Variants in CLCNKA observed in about 807,000 individuals in gnomAD.
The protein encoded by CLCNKA is chloride voltage-gated channel Ka.
A neutral mutation model predicts 83.3 loss-of-function variants in CLCNKA; 66 were observed. The ratio of observed to expected loss-of-function variants is 0.79; its 90% CI spans 0.65 to 0.97. The LOEUF (loss-of-function observed/expected upper bound fraction) is 0.97, where lower values mean the gene tolerates loss of function less well. Ranked by LOEUF, CLCNKA falls within the 50% of genes least tolerant of loss-of-function variation. CLCNKA has a pLI of 0.00. For synonymous variants in CLCNKA, 357 were observed against 370.4 expected, an observed-to-expected ratio of 0.96 and a Z score of 0.42; for missense variants, 806 against 888.7, an observed-to-expected ratio of 0.91 and a Z score of 1.18.
At chr1:16,027,177 CT>C in intron 7 of CLCNKA, 132 bp from the exon 8 acceptor site, 2 of 1,367,600 alleles carry the variant, frequency 1.5e-6, no homozygotes, top group South Asian at 2.4e-5. Flanking sequence ...CTGCCCTCCC[CT>C]TCTGTCTGTC....
intron 3 of CLCNKA, 107 bp downstream of exon 3, chr1:16,024,035 C>A (rs942696824): frequency 2.0e-5 from 27 of 1,383,064 alleles, no homozygotes; most frequent in Non-Finnish European, 2.4e-5. Context: ...GACCTGGGTG[C>A]GGGGAGGGCT....
chr1:16,033,467 C>T (rs1428569024), intron 19 of CLCNKA, 144 bp from the exon 20 acceptor site: 3 of 918,278 alleles, frequency 3.3e-6, no homozygotes, highest in Middle Eastern at 2.6e-4. Flanking sequence ...CCTTCTCGGC[C>T]TCAGTGATCC....
intron 4 of CLCNKA, among the ~76,000 whole-genome samples, chr1:16,025,135 A>G (rs551595489): frequency 5.9e-5 from 9 of 152,212 alleles, no homozygotes; most frequent in Non-Finnish European, 1.0e-4. Context: ...GGTGCCAGGA[A>G]GGGGCCCATG....
intron 5 of CLCNKA, 144 bp downstream of exon 5, chr1:16,026,391 G>A: frequency 6.8e-7 from 1 of 1,462,794 alleles, no homozygotes; most frequent in South Asian, 1.2e-5. Flanking sequence ...GAAGAGCCAG[G>A]CCAGGTCCCC....
In CLCNKA at chr1:16,024,759, C is replaced by G; in HGVS notation, c.230-4C>G. ...GTGCCTCCCTGATACGCGGCTGTCC[C>G]CAGCACACCAGTGGCTGTACAGGGA... is the stretch of plus-strand genomic sequence containing the variant. On this transcript the variant is annotated splice_region_variant and splice_polypyrimidine_tract_variant and intron_variant, in intron 3 of 19. Transcript: ENST00000331433. 1 of 1,613,966 alleles carries G rather than the reference C, an allele frequency of 6.2e-7. No individual in the cohort carries two copies.
chr1:16,031,607 G>A lies in CLCNKA; in HGVS notation c.1623-103G>A. On this transcript the variant is annotated intron_variant, in intron 15 of 19. Transcript: ENST00000331433. ...TCTCCAGCCCTGCTCACACTCCAGA[G>A]CCGTGGGTCCCTGGTTCAAGCAAAG... is the stretch of plus-strand genomic sequence containing the variant. 4 of 1,542,528 alleles carry A rather than the reference G, an allele frequency of 2.6e-6. No homozygotes were observed. The Admixed American group carries it at 5.4e-5, about 21-fold the overall frequency.
At chr1:16,022,361 C>T (rs1489267826) in intron 1 of CLCNKA, among the ~76,000 whole-genome samples, 1 of 152,114 alleles carries the variant, frequency 6.6e-6, no homozygotes, top group Non-Finnish European at 1.5e-5. Flanking sequence ...GAGCGGTGTC[C>T]ACAGTCTGCT....
intron 2 of CLCNKA, among the ~76,000 whole-genome samples, chr1:16,023,460 G>A (rs1044539961): frequency 9.2e-5 from 14 of 152,206 alleles, no homozygotes; most frequent in Non-Finnish European, 1.8e-4. Context: ...TCTGGCAGGG[G>A]CAGCAGTCCT....
intron 16 of CLCNKA, 84 bp from the exon 17 acceptor site, chr1:16,032,119 C>T: frequency 7.4e-7 from 1 of 1,358,504 alleles, no homozygotes; most frequent in Non-Finnish European, 1.1e-6. Context: ...AGCATGGGGA[C>T]ACCACCAAGG....
chr1:16,030,653 G>A lies in CLCNKA; in HGVS notation c.1601G>A (p.Arg534Gln), dbSNP rs770418010. ...IIVKKLPYLP[R>Q]ILGRNIGSHH... is the part of the protein sequence containing the mutation. ...GTCAAGAAGCTGCCATACCTGCCACGGATTCTGGGCCGCAACATCGGGTGA... is the reference window on the plus strand; with the variant it reads ...GTCAAGAAGCTGCCATACCTGCCACAGATTCTGGGCCGCAACATCGGGTGA... Residue 534 changes from arginine to glutamine, a missense_variant, in exon 15 of 20, where the codon CGG becomes CAG. Coordinates refer to ENST00000331433, the MANE Select transcript of CLCNKA (RefSeq NM_004070.4). 2.7e-5 allele frequency: 44 copies of A among 1,613,176 alleles called. No homozygotes were observed. In the East Asian group the frequency reaches 8.2e-4, roughly 30 times the overall value.
At chr1:16,026,968 G>A in intron 7 of CLCNKA, 193 bp downstream of exon 7, 1 of 712,668 alleles carries the variant, frequency 1.4e-6, no homozygotes, top group South Asian at 1.8e-5. Context: ...GTGGTTGGGC[G>A]GTGCTGAGAG....
At chr1:16,031,011 C>T (rs752355894) in intron 15 of CLCNKA, among the ~76,000 whole-genome samples, 2 of 152,172 alleles carry the variant, frequency 1.3e-5, no homozygotes, top group Admixed American at 6.5e-5. Context: ...GCACCAGATC[C>T]GAGAGGTCTC....
rs2015515 is a variant in CLCNKA, at chr1:16,031,639, T to C, written c.1623-71T>C. Reference sequence around the variant, plus strand: ...GTCCCTGGTTCAAGCAAAGCTCCCCTCAGATCCCCTTGCTGGCCTGGGTCT... The same window carrying C: ...GTCCCTGGTTCAAGCAAAGCTCCCCCCAGATCCCCTTGCTGGCCTGGGTCT... On this transcript the variant is annotated intron_variant, in intron 15 of 19. Transcript: ENST00000331433. 148,004 of 1,609,344 alleles carry C rather than the reference T, an allele frequency of 0.092. 7,511 individuals are homozygous for C. The highest frequency in any genetic ancestry group is 0.1 in the Non-Finnish European group (119,500 of 1,177,684).
chr1:16,031,195 A>G (rs2022610720), intron 15 of CLCNKA, among the ~76,000 whole-genome samples: 1 of 152,232 alleles, frequency 6.6e-6, no homozygotes, highest in South Asian at 2.1e-4. Flanking sequence ...CCCCGCTCCA[A>G]ACACAAACAA....
chr1:16,029,140 G>C lies in CLCNKA; in HGVS notation c.1068G>C (p.Gln356His). 1 of 1,611,642 alleles carries C rather than the reference G, an allele frequency of 6.2e-7. No homozygotes were observed. The change falls in exon 12 of 20, where the codon CAG becomes CAC. Residue 356 changes from glutamine to histidine, a missense_variant. Coordinates refer to ENST00000331433, the MANE Select transcript of CLCNKA (RefSeq NM_004070.4). Reference protein sequence around the residue: ...HFLASRLSMKQHLDSLFDNHS... With the variant: ...HFLASRLSMKHHLDSLFDNHS... ...CCCCGCCACAGCTGTCCATGAAGCA[G>C]CATCTGGACTCGCTGTTCGACAACC...
intron 4 of CLCNKA, 73 bp downstream of exon 4, chr1:16,024,964 G>A (rs937142169): frequency 8.2e-6 from 13 of 1,587,864 alleles, no homozygotes; most frequent in Non-Finnish European, 1.1e-5. Flanking sequence ...CTGATGGGGG[G>A]AATCGGGAAG....
intron 6 of CLCNKA, 41 bp downstream of exon 6, chr1:16,026,654 G>A (rs1204501694): frequency 6.2e-7 from 1 of 1,613,568 alleles, no homozygotes; most frequent in African/African-American, 1.3e-5. Flanking sequence ...TGGGAGTGGG[G>A]AGGGAGGGGG....
intron 2 of CLCNKA, 149 bp from the exon 3 acceptor site, chr1:16,023,651 T>C: frequency 1.3e-6 from 1 of 785,372 alleles, no homozygotes. Flanking sequence ...CAACTTGCAT[T>C]CCTCTCTGAC....
Position 16,029,754 on chromosome 1 carries a change from C to T in CLCNKA, c.1251C>T (p.Thr417=). ...AGTTCTGGATGCTGATTCTGGCCAC[C>T]ACCATCCCCATGCCTGCCGGGTACT... ...VMKFWMLILA[T]TIPMPAGYFM... Residue 417 remains threonine (T), a synonymous_variant, in exon 13 of 20, where the codon ACC becomes ACT. Transcript: ENST00000331433. 1 of 1,614,184 alleles carries T rather than the reference C, an allele frequency of 6.2e-7. No homozygotes were observed. The highest frequency in any genetic ancestry group is 8.5e-7 in the Non-Finnish European group (1 of 1,180,032).
Sources: gnomAD v4.1 joint callset for allele counts (sites outside exome capture counted in the v4.1 genomes callset) on GRCh38, gnomAD v4.1.1 for gene constraint, MANE v1.5 for transcripts, NCBI Gene and HGNC (gene_info 2026-07-23, HGNC 2026-07-21) for gene names.